Variants in PRIMPOL observed in about 807,000 individuals in gnomAD.
PRIMPOL encodes the protein primase and DNA directed polymerase, also known as DNA-directed primase/polymerase protein.
In PRIMPOL, 54 loss-of-function variants were observed where a neutral mutation model predicts 63.6. The observed-to-expected ratio is 0.85, with a 90% confidence interval of 0.68 to 1.07. PRIMPOL has a LOEUF of 1.07. Among genes scored for constraint, PRIMPOL ranks in the 50% least tolerant of loss-of-function variants. The pLI is 0.00. For synonymous variants in PRIMPOL, 197 were observed against 220.2 expected, an observed-to-expected ratio of 0.89 and a Z score of 0.93; for missense variants, 610 against 648.3, an observed-to-expected ratio of 0.94 and a Z score of 0.64.
intron 11 of PRIMPOL, among the ~76,000 whole-genome samples, chr4:184,689,671 G>C (rs1439000120): frequency 6.6e-6 from 1 of 151,642 alleles, no homozygotes; most frequent in Non-Finnish European, 1.5e-5. Context: ...GGCCAGGCTG[G>C]TCTCGAACTC....
chr4:184,652,007 T>C lies in PRIMPOL; in HGVS notation c.-137-16T>C, dbSNP rs1056220602. ...GGCAGTGTCTTCTGGCTGAAGCCAG[T>C]AATTTCTCTTTACAGAGGTATCCCA... On this transcript the variant is annotated splice_polypyrimidine_tract_variant and intron_variant, in intron 1 of 13. Coordinates refer to ENST00000314970, the MANE Select transcript of PRIMPOL (RefSeq NM_152683.4). The C allele has an allele frequency of 6.6e-6, 1 of 152,282 alleles. No individual in the cohort carries two copies. Among genetic ancestry groups the C allele is most frequent in the African/African-American group, 2.4e-5 (1 of 41,468 alleles). 9.4% of individuals were successfully genotyped at this position (152,282 alleles called of 1,614,324 possible). A position where few individuals can be genotyped will look rare whatever the true frequency, so the allele number is the denominator to read the frequency against.
At chr4:184,670,837 C>A (rs1751412885) in intron 6 of PRIMPOL, among the ~76,000 whole-genome samples, 1 of 152,106 alleles carries the variant, frequency 6.6e-6, no homozygotes, top group African/African-American at 2.4e-5. Flanking sequence ...GCATGAGCCA[C>A]CACACCTGGC....
chr4:184,689,572 C>CT (rs1053173028), intron 11 of PRIMPOL, among the ~76,000 whole-genome samples: 2 of 9,930 alleles, frequency 2.0e-4, no homozygotes, highest in South Asian at 8.3e-3. Flanking sequence ...CCTGCCTCAG[C>CT]CCCCCGAGTA....
At chr4:184,654,814 CA>C (rs1022567438) in intron 2 of PRIMPOL, among the ~76,000 whole-genome samples, 3 of 152,100 alleles carry the variant, frequency 2.0e-5, no homozygotes, top group Admixed American at 2.0e-4. Flanking sequence ...TTTCCCTAAG[CA>C]TACCTGTTAT....
intron 7 of PRIMPOL, among the ~76,000 whole-genome samples, chr4:184,676,009 G>A (rs1031910201): frequency 6.6e-6 from 1 of 152,164 alleles, no homozygotes; most frequent in Non-Finnish European, 1.5e-5. Context: ...TCTGTGGTCA[G>A]TGTTTCTTGC....
At chr4:184,662,519 A>G (rs1001801923) in intron 5 of PRIMPOL, among the ~76,000 whole-genome samples, 3 of 152,208 alleles carry the variant, frequency 2.0e-5, no homozygotes, top group African/African-American at 7.2e-5. Flanking sequence ...AGTTACTAAT[A>G]AAAGGAATAG....
chr4:184,662,323 A>C (rs1748582270), intron 5 of PRIMPOL, among the ~76,000 whole-genome samples: 1 of 152,212 alleles, frequency 6.6e-6, no homozygotes, highest in South Asian at 2.1e-4. Flanking sequence ...GCTTGCAGGA[A>C]TTTTGGAAAT....
intron 7 of PRIMPOL, among the ~76,000 whole-genome samples, chr4:184,677,373 T>C (rs546030993): frequency 4.2e-4 from 64 of 152,244 alleles, no homozygotes; most frequent in African/African-American, 1.5e-3. Flanking sequence ...CAGCACTGTT[T>C]GTTGAAATGA....
intron 1 of PRIMPOL, among the ~76,000 whole-genome samples, chr4:184,650,817 A>G (rs1579230078): frequency 6.6e-6 from 1 of 152,218 alleles, no homozygotes; most frequent in Non-Finnish European, 1.5e-5. Flanking sequence ...CTATTCGACT[A>G]TAGGGACTAT....
At chr4:184,673,615 G>T (rs1442203007) in intron 7 of PRIMPOL, among the ~76,000 whole-genome samples, 2 of 151,500 alleles carry the variant, frequency 1.3e-5, no homozygotes, top group African/African-American at 4.9e-5. Context: ...AGTACAGACG[G>T]GGTTTCACCA....
In PRIMPOL at chr4:184,693,675, T is replaced by C. The variant is rs1759638684; in HGVS notation, c.1426-847T>C. 2.6e-5 allele frequency among the ~76,000 whole-genome samples: 4 copies of C among 152,246 alleles called. No homozygotes were observed. The South Asian group carries it at 8.3e-4, about 32-fold the overall frequency. Reference sequence around the variant, plus strand: ...AGAAATGTACAAGAATAAGGAACTCTGCTGTCTGTCCTCTATTGAGATCTG... The same window carrying C: ...AGAAATGTACAAGAATAAGGAACTCCGCTGTCTGTCCTCTATTGAGATCTG... On this transcript the variant is annotated intron_variant, in intron 13 of 13. Transcript: ENST00000314970.
At chr4:184,680,175 T>C (rs1755223948) in intron 8 of PRIMPOL, among the ~76,000 whole-genome samples, 1 of 136,408 alleles carries the variant, frequency 7.3e-6, no homozygotes, top group African/African-American at 2.7e-5. Flanking sequence ...ATAATTCTTT[T>C]CCTTTTGCCT....
In PRIMPOL at chr4:184,694,896, A is replaced by G; in HGVS notation, c.*117A>G. ...ACTAAGTTTTATTACTTTGCTTTCC[A>G]ATTTTTGTTTTTTACTTCTGTAAAC... is the stretch of plus-strand genomic sequence containing the variant. On this transcript the variant is annotated 3_prime_UTR_variant, in exon 14 of 14. Transcript: ENST00000314970. The G allele has an allele frequency of 1.0e-6, 1 of 957,630 alleles. No individual in the cohort carries two copies. Among genetic ancestry groups the G allele is most frequent in the Non-Finnish European group, 1.5e-6 (1 of 665,794 alleles). 59.3% of individuals were successfully genotyped at this position (957,630 alleles called of 1,614,324 possible).
chr4:184,682,803 A>G (rs144460942), intron 9 of PRIMPOL, among the ~76,000 whole-genome samples: 194 of 152,252 alleles, frequency 1.3e-3, no homozygotes, highest in African/African-American at 4.4e-3. Context: ...TAATTCCAGC[A>G]CTTTGGGAGG....
intron 4 of PRIMPOL, 46 bp from the exon 5 acceptor site, chr4:184,661,728 A>C (rs1375138025): frequency 3.1e-6 from 4 of 1,280,728 alleles, no homozygotes; most frequent in South Asian, 1.3e-5. Flanking sequence ...ATCAATCAAT[A>C]AAGGTATAAT....
intron 11 of PRIMPOL, 72 bp downstream of exon 11, chr4:184,685,756 C>A: frequency 6.2e-6 from 4 of 642,776 alleles, no homozygotes; most frequent in Non-Finnish European, 7.3e-6. Flanking sequence ...TTTAAAGTTG[C>A]GAATATGAAA....
chr4:184,681,677 C>A (rs1195003217), intron 8 of PRIMPOL, among the ~76,000 whole-genome samples: 1 of 152,058 alleles, frequency 6.6e-6, no homozygotes, highest in African/African-American at 2.4e-5. Flanking sequence ...TGGGTTCAAG[C>A]AGTTCTTCTG....
At chr4:184,655,393 G>A (rs1003043447) in intron 2 of PRIMPOL, among the ~76,000 whole-genome samples, 9 of 145,744 alleles carry the variant, frequency 6.2e-5, no homozygotes, top group South Asian at 2.2e-4. Flanking sequence ...GTGCGATCTC[G>A]GCTCACTGGC....
At chr4:184,679,226 A>G (rs1754948789) in intron 8 of PRIMPOL, among the ~76,000 whole-genome samples, 1 of 152,180 alleles carries the variant, frequency 6.6e-6, no homozygotes, top group African/African-American at 2.4e-5. Context: ...TTTCCATTAT[A>G]TTGACACTGG....
Sources: gnomAD v4.1 joint callset for allele counts (sites outside exome capture counted in the v4.1 genomes callset) on GRCh38, gnomAD v4.1.1 for gene constraint, MANE v1.5 for transcripts, NCBI Gene and HGNC (gene_info 2026-07-23, HGNC 2026-07-21) for gene names.